The following TGFBI variants were observed in gnomAD, a reference collection of about 807,000 sequenced individuals.
TGFBI encodes transforming growth factor-beta-induced protein ig-h3.
In TGFBI, 50 loss-of-function variants were observed where a neutral mutation model predicts 73.7. The ratio of observed to expected loss-of-function variants is 0.68; its 90% CI spans 0.54 to 0.86. The LOEUF is 0.86. Ranked by LOEUF, TGFBI falls within the 40% of genes least tolerant of loss-of-function variation. The probability of loss-of-function intolerance (pLI) is 0.00; values close to 1 mark genes in which losing one functional copy is unlikely to be tolerated. For missense variants in TGFBI, 839 were observed against 877.0 expected (o/e 0.96, Z 0.55); for synonymous variants, 362 against 360.5 (o/e 1.00, Z -0.05).
chr5:136,040,543 C>G (rs1751310969), intron 2 of TGFBI, among the ~76,000 whole-genome samples: 1 of 152,208 alleles, frequency 6.6e-6, no homozygotes, highest in African/African-American at 2.4e-5. Flanking sequence ...CAAAACCACC[C>G]CTTCCCCCTG....
chr5:136,050,545 C>T (rs1185257112), intron 7 of TGFBI, among the ~76,000 whole-genome samples: 1 of 152,118 alleles, frequency 6.6e-6, no homozygotes, highest in African/African-American at 2.4e-5. Context: ...CCTTTCTACT[C>T]CAGGACCTCT....
intron 2 of TGFBI, among the ~76,000 whole-genome samples, chr5:136,037,245 G>A (rs1024676363): frequency 4.6e-5 from 7 of 152,140 alleles, no homozygotes; most frequent in South Asian, 2.1e-4. Context: ...TTTATTGTTC[G>A]GAAATTCACT....
chr5:136,029,903 G>T (rs888329830), intron 1 of TGFBI, among the ~76,000 whole-genome samples: 4 of 152,148 alleles, frequency 2.6e-5, no homozygotes, highest in Non-Finnish European at 5.9e-5. Context: ...AGTAATAGCT[G>T]GGTTTGTAAA....
At chr5:136,032,984 G>A (rs2126901971) in intron 1 of TGFBI, among the ~76,000 whole-genome samples, 1 of 152,236 alleles carries the variant, frequency 6.6e-6, no homozygotes, top group Non-Finnish European at 1.5e-5. Flanking sequence ...AGTTTGGGGA[G>A]CAGTATTTTC....
Position 136,061,539 on chromosome 5 carries a change from C to G in TGFBI, c.1946C>G (p.Ser649Cys), listed in dbSNP as rs377519138. ...PQERGDELAD[S>C]ALEIFKQASA... ...GAAAGAGGGGATGAACTTGCAGACT[C>G]TGCGCTTGAGATCTTCAAACAAGCA... is the stretch of plus-strand genomic sequence containing the variant. Residue 649 changes from serine (S) to cysteine (C), a missense_variant, in exon 15 of 17, where the codon TCT (serine) becomes TGT (cysteine). Physicochemically the swap from Ser to Cys is moderately radical, Grantham distance 112. Transcript: ENST00000442011. The G allele has an allele frequency of 1.6e-5, 26 of 1,612,308 alleles. No homozygotes were observed. Among genetic ancestry groups the G allele is most frequent in the Non-Finnish European group, 2.0e-5 (24 of 1,179,284 alleles).
At chr5:136,034,358 C>T (rs1043086748) in intron 2 of TGFBI, among the ~76,000 whole-genome samples, 2 of 151,950 alleles carry the variant, frequency 1.3e-5, no homozygotes, top group African/African-American at 4.8e-5. Context: ...CTCATTCAAA[C>T]CCTAGCTCTA....
In TGFBI at chr5:136,049,353, C is replaced by A. The variant is rs1049591266; in HGVS notation, c.772-86C>A. ...CTTCTGTGAAAGCCTCGAGCCCTTG[C>A]GGGGAACCAGTGAAGCTGTGTGTGC... On this transcript the variant is annotated intron_variant, in intron 6 of 16. Transcript: ENST00000442011. 6.6e-6 allele frequency: 10 copies of A among 1,522,166 alleles called. No individual in the cohort carries two copies. The Admixed American group carries it at 1.5e-4, about 23-fold the overall frequency. 94.3% of individuals were successfully genotyped at this position (1,522,166 alleles called of 1,614,324 possible). A position where few individuals can be genotyped will look rare whatever the true frequency, so the allele number is the denominator to read the frequency against.
chr5:136,029,188 G>A lies in TGFBI; in HGVS notation c.133G>A (p.Gly45Ser). The A allele has an allele frequency of 6.7e-7, 1 of 1,492,790 alleles. No homozygotes were observed. The highest frequency in any genetic ancestry group is 8.9e-7 in the Non-Finnish European group (1 of 1,126,322). 92.5% of individuals were successfully genotyped at this position (1,492,790 alleles called of 1,614,324 possible). The change falls in exon 1 of 17, where the codon GGC becomes AGC. Residue 45 changes from glycine (G) to serine (S), a missense_variant and splice_region_variant. Transcript: ENST00000442011. ...QHSRLRGRQH[G>S]PNVCAVQKVI... ...CAGCAGGCTCCGGGGCCGCCAGCAC[G>A]GGTAAGCCGAGCCGCCTGGCCAGGG...
intron 2 of TGFBI, among the ~76,000 whole-genome samples, chr5:136,037,635 A>G (rs1751251883): frequency 6.6e-6 from 1 of 152,116 alleles, no homozygotes; most frequent in Non-Finnish European, 1.5e-5. Context: ...AAAGTCTTGA[A>G]ATTGTTTCAC....
rs574362916 is a variant in TGFBI at position 136,046,437 on chromosome 5, G to A, written c.401G>A (p.Gly134Glu). 1.9e-6 allele frequency: 3 copies of A among 1,613,594 alleles called. No homozygotes were observed. The South Asian group carries it at 3.3e-5, about 18-fold the overall frequency. The change falls in exon 4 of 17, where the codon GGG becomes GAG. Residue 134 changes from glycine (G) to glutamate (E), a missense_variant. Gly to Glu is a moderately conservative substitution (Grantham distance 98). Coordinates refer to ENST00000442011, the MANE Select transcript of TGFBI (RefSeq NM_000358.3). ...RTEKLRPEME[G>E]PGSFTIFAPS... is the part of the protein sequence containing the mutation. ...GAGAAGCTGAGGCCTGAGATGGAGG[G>A]GCCCGGCAGCTTCACCATCTTCGCC...
rs970788091 is a variant in TGFBI at position 136,061,558 on chromosome 5, A to G, written c.1965A>G (p.Lys655=). The G allele has an allele frequency of 6.2e-7, 1 of 1,613,378 alleles. No homozygotes were observed. Among genetic ancestry groups the G allele is most frequent in the Non-Finnish European group, 8.5e-7 (1 of 1,179,674 alleles). Residue 655 remains lysine, a synonymous_variant, in exon 15 of 17, where the codon AAA becomes AAG. Transcript: ENST00000442011. The part of the protein sequence containing the change: ...ELADSALEIF[K]QASAFSRASQ... ...CAGACTCTGCGCTTGAGATCTTCAA[A>G]CAAGCATCAGCGTTTTCCAGGGTAA...
Position 136,058,988 on chromosome 5 carries a change from AT to A in TGFBI, c.1679-99del, listed in dbSNP as rs1229367077. On this transcript the variant is annotated intron_variant, in intron 12 of 16. Coordinates refer to ENST00000442011, the MANE Select transcript of TGFBI (RefSeq NM_000358.3). ...TTATTCCCTGGGCAGGGAGTTCTTC[AT>A]TTCAGGGGTGACCACTTACATCTTC... 2.1e-6 allele frequency: 3 copies of A among 1,443,048 alleles called. No individual in the cohort carries two copies. In the East Asian group the frequency reaches 7.4e-5, roughly 36 times the overall value. The allele number at this position is 1,443,048 out of a possible 1,614,324, so 89.4% of individuals were successfully genotyped here.
At position 136,054,779 on chromosome 5, in the gene TGFBI, A is replaced by G. The variant is rs771878326; in HGVS notation, c.1328A>G (p.Gln443Arg). 2 of 1,613,982 alleles carry G rather than the reference A, an allele frequency of 1.2e-6. No individual in the cohort carries two copies. Among genetic ancestry groups the G allele is most frequent in the Non-Finnish European group, 1.7e-6 (2 of 1,179,900 alleles). The change falls in exon 10 of 17, where the codon CAG (glutamine) becomes CGG (arginine). Residue 443 changes from glutamine (Q) to arginine (R), a missense_variant. Physicochemically the swap from Gln to Arg is conservative, Grantham distance 43 (BLOSUM62 1). Transcript: ENST00000442011. The stretch of plus-strand genomic sequence containing the variant: ...CTTCGGAACCACATAATTAAAGACC[A>G]GCTGGCCTCTAAGTATCTGTACCAT... ...NLLRNHIIKD[Q>R]LASKYLYHGQ...
At chr5:136,057,583 G>A (rs1453106597) in intron 12 of TGFBI, among the ~76,000 whole-genome samples, 3 of 152,050 alleles carry the variant, frequency 2.0e-5, no homozygotes, top group Non-Finnish European at 1.5e-5. Context: ...GGGGGGAGCA[G>A]GAATGGGAGT....
At position 136,063,310 on chromosome 5, in the gene TGFBI, C is replaced by A; in HGVS notation, c.*84C>A. ...TCCACAGAGACTGTTTGAATGTTTT[C>A]AAAACCAAGTATCACACTTTAATGT... On this transcript the variant is annotated 3_prime_UTR_variant, in exon 17 of 17. Coordinates refer to ENST00000442011, the MANE Select transcript of TGFBI (RefSeq NM_000358.3). 1 of 1,296,504 alleles carries A rather than the reference C, an allele frequency of 7.7e-7. No individual in the cohort carries two copies. The highest frequency in any genetic ancestry group is 1.1e-6 in the Non-Finnish European group (1 of 904,076). 80.3% of individuals were successfully genotyped at this position (1,296,504 alleles called of 1,614,324 possible). A position where few individuals can be genotyped will look rare whatever the true frequency, so the allele number is the denominator to read the frequency against.
chr5:136,033,722 C>T (rs185280736), intron 1 of TGFBI, 41 bp from the exon 2 acceptor site: 51 of 1,558,114 alleles, frequency 3.3e-5, no homozygotes, highest in East Asian at 6.8e-5. Flanking sequence ...GTGGGGTGGA[C>T]GTGCTGATCA....
chr5:136,036,398 A>T (rs768471133), intron 2 of TGFBI, among the ~76,000 whole-genome samples: 2 of 152,240 alleles, frequency 1.3e-5, no homozygotes, highest in Non-Finnish European at 2.9e-5. Context: ...ATATTATTTG[A>T]TATAAAACTT....
Position 136,056,774 on chromosome 5 carries a change from A to G in TGFBI, c.1657A>G (p.Arg553Gly), listed in dbSNP as rs774822557. 14 of 1,613,768 alleles carry G rather than the reference A, an allele frequency of 8.7e-6. No individual in the cohort carries two copies. The African/African-American group carries it at 1.3e-4, about 15-fold the overall frequency. The change falls in exon 12 of 17, where the codon AGA becomes GGA. Residue 553 changes from arginine to glycine, a missense_variant. Arg to Gly is a moderately radical substitution (Grantham distance 125). Coordinates refer to ENST00000442011, the MANE Select transcript of TGFBI (RefSeq NM_000358.3). ...TNEAFRALPP[R>G]ERSRLLGDAK... is the part of the protein sequence containing the mutation. ...TGAAGCCTTCCGAGCCCTGCCACCA[A>G]GAGAACGGAGCAGACTCTTGGGTAA...
chr5:136,053,133 C>T lies in TGFBI; in HGVS notation c.1126+14C>T. The T allele has an allele frequency of 6.2e-7, 1 of 1,612,394 alleles. No homozygotes were observed. The highest frequency in any genetic ancestry group is 8.5e-7 in the Non-Finnish European group (1 of 1,178,882). On this transcript the variant is annotated intron_variant, in intron 8 of 16. Coordinates refer to ENST00000442011, the MANE Select transcript of TGFBI (RefSeq NM_000358.3). ...TCCCAGACTCAGGTAGGCCAGGCCTCCGGGGGCCTTGGCCCTGCCTGGCCC... is the reference window on the plus strand; with the variant it reads ...TCCCAGACTCAGGTAGGCCAGGCCTTCGGGGGCCTTGGCCCTGCCTGGCCC...
Sources: allele counts gnomAD v4.1 joint callset (sites outside exome capture counted in the v4.1 genomes callset), GRCh38; gene constraint gnomAD v4.1.1; transcripts MANE v1.5; gene names NCBI Gene and HGNC (gene_info 2026-07-23, HGNC 2026-07-21).